WNT5B: variants seen among roughly 807,000 people sequenced by gnomAD.
WNT5B encodes the protein protein Wnt-5b.
WNT5B carries 18 observed loss-of-function variants against 36.5 expected under a neutral mutation model. The observed-to-expected ratio is 0.49, with a 90% confidence interval of 0.34 to 0.73. WNT5B has a LOEUF of 0.73. Among genes scored for constraint, WNT5B ranks in the 30% least tolerant of loss-of-function variants. The probability of loss-of-function intolerance (pLI) is 0.01; values close to 1 mark genes in which losing one functional copy is unlikely to be tolerated. For missense variants in WNT5B, 424 were observed against 508.4 expected, an observed-to-expected ratio of 0.83 and a Z score of 1.60; for synonymous variants, 213 against 212.3, an observed-to-expected ratio of 1.00 and a Z score of -0.03.
chr12:1,638,445 C>T (rs2094566441), intron 3 of WNT5B, among the ~76,000 whole-genome samples: 1 of 152,178 alleles, frequency 6.6e-6, no homozygotes, highest in Non-Finnish European at 1.5e-5. Context: ...TTAACCATTC[C>T]CACCCACAGT....
Position 1,647,091 on chromosome 12 carries a change from C to T in WNT5B, c.*839C>T, listed in dbSNP as rs1221449483. The T allele has an allele frequency of 6.6e-6, 1 of 152,352 alleles. No individual in the cohort carries two copies. The highest frequency in any genetic ancestry group is 1.5e-5 in the Non-Finnish European group (1 of 68,180). The allele number at this position is 152,352 out of a possible 1,614,324, so 9.4% of individuals were successfully genotyped here. A position where few individuals can be genotyped will look rare whatever the true frequency, so the allele number is the denominator to read the frequency against. ...AGCTTGAGCTGCTGCTGTCACTCCT[C>T]CACCGAGGGAGGCCTCACAAACCAC... is the stretch of plus-strand genomic sequence containing the variant. On this transcript the variant is annotated 3_prime_UTR_variant, in exon 5 of 5. Coordinates refer to ENST00000397196, the MANE Select transcript of WNT5B (RefSeq NM_032642.3).
At chr12:1,627,360 C>T (rs1429707116), upstream of WNT5B, among the ~76,000 whole-genome samples, 2 of 152,074 alleles carry the variant, frequency 1.3e-5, no homozygotes, top group Non-Finnish European at 2.9e-5. The surrounding 1 kb of genome is among the most constrained non-coding windows in gnomAD (Gnocchi z 5.0). Flanking sequence ...TGCTTGAGTC[C>T]CTGGGTGCTG....
At chr12:1,635,606 G>A (rs1477200259) in intron 3 of WNT5B, among the ~76,000 whole-genome samples, 2 of 152,218 alleles carry the variant, frequency 1.3e-5, no homozygotes, top group African/African-American at 2.4e-5. Context: ...AAAGCTTCCG[G>A]TGGCTATGGA....
rs1395462661 is a variant in WNT5B, at chr12:1,632,678, T to A, written c.101T>A (p.Val34Glu). The change falls in exon 3 of 5, where the codon GTG (valine) becomes GAG (glutamate). Residue 34 changes from valine to glutamate, a missense_variant. Transcript: ENST00000397196. This position sits in a 1 kb window ranked among gnomAD's most constrained non-coding sequence, Gnocchi z 5.8. The part of the protein sequence containing the change: ...NSWWSLALNP[V>E]QRPEMFIIGA... ...CCTAGGTCATTAGCTTTGAACCCGGTGCAGAGACCCGAGATGTTTATCATC... is the reference window on the plus strand; with the variant it reads ...CCTAGGTCATTAGCTTTGAACCCGGAGCAGAGACCCGAGATGTTTATCATC... 5 of 1,606,970 alleles carry A rather than the reference T, an allele frequency of 3.1e-6. No individual in the cohort carries two copies. The Admixed American group carries it at 6.7e-5, about 21-fold the overall frequency.
rs921873488 is a variant in WNT5B, at chr12:1,632,092, A to G, written c.81-566A>G. 1.2e-4 allele frequency among the ~76,000 whole-genome samples: 18 copies of G among 152,228 alleles called. No individual in the cohort carries two copies. The highest frequency in any genetic ancestry group is 4.3e-4 in the African/African-American group (18 of 41,454). ...AAAGTGAGACATGGCAGTGAAAACA[A>G]GTAGACTAGATCGTGATGTATGTAA... is the stretch of plus-strand genomic sequence containing the variant. On this transcript the variant is annotated intron_variant, in intron 2 of 4. Transcript: ENST00000397196. This position sits in a 1 kb window ranked among gnomAD's most constrained non-coding sequence, Gnocchi z 5.8.
chr12:1,637,364 G>A (rs116114079), intron 3 of WNT5B, among the ~76,000 whole-genome samples: 1,750 of 152,176 alleles, frequency 0.011, 29 homozygotes, highest in African/African-American at 0.04. Context: ...TTGCAGATTT[G>A]GTTCCACCGT....
At chr12:1,642,051 G>C (rs908353618) in intron 4 of WNT5B, among the ~76,000 whole-genome samples, 3 of 152,174 alleles carry the variant, frequency 2.0e-5, no homozygotes, top group Admixed American at 2.0e-4. Flanking sequence ...CCAGAAAAGG[G>C]TGTGTGTAAG....
upstream of WNT5B, among the ~76,000 whole-genome samples, chr12:1,625,674 T>G (rs2094539943): frequency 1.3e-5 from 2 of 152,108 alleles, no homozygotes; most frequent in South Asian, 4.2e-4. Context: ...GTTTTTTCTC[T>G]TTTTTTTGAG....
intron 3 of WNT5B, among the ~76,000 whole-genome samples, chr12:1,639,093 T>C (rs1306888543): frequency 6.6e-6 from 1 of 152,086 alleles, no homozygotes; most frequent in African/African-American, 2.4e-5. Flanking sequence ...TCTTCTGCAG[T>C]GGATATTAAT....
intron 3 of WNT5B, among the ~76,000 whole-genome samples, chr12:1,638,075 C>T (rs1316754113): frequency 2.6e-5 from 4 of 152,174 alleles, no homozygotes; most frequent in Non-Finnish European, 5.9e-5. Flanking sequence ...GGTGAAACCC[C>T]ATCTCCACTA....
intron 1 of WNT5B, chr12:1,617,255 A>G (rs1278716686): frequency 6.6e-6 from 1 of 151,706 alleles, no homozygotes; most frequent in African/African-American, 2.4e-5. Context: ...AAAAATCCAG[A>G]TTTATAAATG....
chr12:1,637,813 T>C (rs2094564992), intron 3 of WNT5B, among the ~76,000 whole-genome samples: 1 of 151,824 alleles, frequency 6.6e-6, no homozygotes, highest in African/African-American at 2.4e-5. Flanking sequence ...TAACATTACA[T>C]CTTAAAAAAA....
Position 1,630,266 on chromosome 12 carries a change from G to T in WNT5B, c.-58+895G>T. 1 of 982,500 alleles carries T rather than the reference G, an allele frequency of 1.0e-6. No homozygotes were observed. The highest frequency in any genetic ancestry group is 4.7e-5 in the South Asian group (1 of 21,234). 60.9% of individuals were successfully genotyped at this position (982,500 alleles called of 1,614,324 possible). ...GGAGGCCGCTGGGGGCGCGGGTCAC[G>T]CCCAGACGGGGGCCCCGGAGGACCG... On this transcript the variant is annotated intron_variant, in intron 1 of 4. Coordinates refer to ENST00000397196, the MANE Select transcript of WNT5B (RefSeq NM_032642.3). This position sits in a 1 kb window ranked among gnomAD's most constrained non-coding sequence, Gnocchi z 5.3.
Position 1,622,265 on chromosome 12 carries a change from C to T in WNT5B, c.-58+5122C>T, listed in dbSNP as rs527595917. Among the ~76,000 whole-genome samples, 50 of 152,202 alleles carry T rather than the reference C, an allele frequency of 3.3e-4. 1 individual carries two copies. The highest frequency in any genetic ancestry group is 9.4e-4 in the African/African-American group (39 of 41,534). Reference sequence around the variant, plus strand: ...CGCTGGGACTACAGGCGCCCGCCACCACGCCCGGCTAATTTTTTGTATTTT... The same window carrying T: ...CGCTGGGACTACAGGCGCCCGCCACTACGCCCGGCTAATTTTTTGTATTTT... On this transcript the variant is annotated intron_variant, in intron 1 of 4. Transcript: ENST00000310594.
rs1184129349 is a variant in WNT5B, at chr12:1,645,946, C to T, written c.774C>T (p.Thr258=). 1.9e-6 allele frequency: 3 copies of T among 1,610,248 alleles called. No individual in the cohort carries two copies. Among genetic ancestry groups the T allele is most frequent in the Non-Finnish European group, 2.5e-6 (3 of 1,179,802 alleles). ...ACAGCGCGGCCGCCATGCGCGTCAC[C>T]CGCAAGGGCCGGCTGGAGCTGGTCA... The part of the protein sequence containing the change: ...KYDSAAAMRV[T]RKGRLELVNS... Residue 258 remains threonine, a synonymous_variant, in exon 5 of 5, where the codon ACC becomes ACT. Coordinates refer to ENST00000397196, the MANE Select transcript of WNT5B (RefSeq NM_032642.3).
At chr12:1,625,327 C>G (rs2094539565), upstream of WNT5B, among the ~76,000 whole-genome samples, 1 of 152,150 alleles carries the variant, frequency 6.6e-6, no homozygotes. Flanking sequence ...AGGGTGAGTA[C>G]TCACCTGGAA....
At chr12:1,620,008 C>T (rs1225626490) in intron 1 of WNT5B, among the ~76,000 whole-genome samples, 1 of 152,114 alleles carries the variant, frequency 6.6e-6, no homozygotes, top group Admixed American at 6.5e-5. Flanking sequence ...TATATAAAGA[C>T]CTTCAAGCCA....
chr12:1,618,564 A>G lies in WNT5B; in HGVS notation c.-58+1421A>G, dbSNP rs1462234383. On this transcript the variant is annotated intron_variant, in intron 1 of 4. Transcript: ENST00000310594. This position sits in a 1 kb window ranked among gnomAD's most constrained non-coding sequence, Gnocchi z 4.1. ...TCTCTTGAAACAATTCCTAAACCACACTGACCTGTGACCTATACACTTCTG... is the reference window on the plus strand; with the variant it reads ...TCTCTTGAAACAATTCCTAAACCACGCTGACCTGTGACCTATACACTTCTG... Among the ~76,000 whole-genome samples, 1 of 152,152 alleles carries G rather than the reference A, an allele frequency of 6.6e-6. No homozygotes were observed. Among genetic ancestry groups the G allele is most frequent in the Non-Finnish European group, 1.5e-5 (1 of 68,014 alleles).
intron 1 of WNT5B, among the ~76,000 whole-genome samples, chr12:1,623,187 GTTTTTTT>G (rs771500550): frequency 2.5e-3 from 147 of 58,376 alleles, no homozygotes; most frequent in Non-Finnish European, 4.1e-3. Context: ...GTTTTTTGTT[GTTTTTTT>G]TTTTTTTTTT....
Sources: allele counts gnomAD v4.1 joint callset (sites outside exome capture counted in the v4.1 genomes callset), GRCh38; gene constraint gnomAD v4.1.1; non-coding constraint Gnocchi (gnomAD v3.1); transcripts MANE v1.5; gene names NCBI Gene and HGNC (gene_info 2026-07-23, HGNC 2026-07-21).